Variants in DGKB observed in about 807,000 individuals in gnomAD.
DGKB encodes 90 kDa diacylglycerol kinase.
In DGKB, 67 loss-of-function variants were observed where a neutral mutation model predicts 114.3. The observed-to-expected ratio is 0.59, with a 90% CI of 0.48 to 0.72. The LOEUF (loss-of-function observed/expected upper bound fraction) is 0.72. Among genes scored for constraint, DGKB ranks in the 30% least tolerant of loss-of-function variants. The pLI is 0.00. For missense variants in DGKB, 907 were observed against 975.2 expected (o/e 0.93, Z 0.93); for synonymous variants, 398 against 323.1 (o/e 1.23, Z -2.49).
chr7:14,659,717 C>G (rs1816633184), intron 13 of DGKB, among the ~76,000 whole-genome samples: 2 of 146,958 alleles, frequency 1.4e-5, no homozygotes, highest in Admixed American at 1.4e-4. Flanking sequence ...AATTGAATAC[C>G]CTTTATTTCC....
chr7:14,592,408 TTATTC>T (rs1451967340), intron 17 of DGKB, among the ~76,000 whole-genome samples: 2 of 151,962 alleles, frequency 1.3e-5, no homozygotes, highest in African/African-American at 4.8e-5. Context: ...TTATCTCTGA[TTATTC>T]TATTCAATTC....
At chr7:14,248,472 T>G (rs1794778078) in intron 23 of DGKB, among the ~76,000 whole-genome samples, 1 of 152,130 alleles carries the variant, frequency 6.6e-6, no homozygotes, top group South Asian at 2.1e-4. Context: ...TATTAATTCT[T>G]ACGATTCAAG....
intron 6 of DGKB, among the ~76,000 whole-genome samples, chr7:14,702,529 T>C (rs1825379366): frequency 6.6e-6 from 1 of 152,118 alleles, no homozygotes. Context: ...CAGAGGTCCC[T>C]GATGGGCCTG....
At chr7:14,315,385 C>A (rs939579317) in intron 23 of DGKB, among the ~76,000 whole-genome samples, 1 of 149,336 alleles carries the variant, frequency 6.7e-6, no homozygotes, top group African/African-American at 2.4e-5. Context: ...ATTCAGGAAA[C>A]CCATCTCACG....
rs115521692 is a variant in DGKB, at chr7:14,657,910, T to C, written c.1134+15019A>G. Among the ~76,000 whole-genome samples, 1,061 of 152,052 alleles carry C rather than the reference T, an allele frequency of 7.0e-3. 16 individuals carry two copies. Among genetic ancestry groups the C allele is most frequent in the African/African-American group, 0.025 (1,032 of 41,532 alleles). ...AATCTACAGAAAGTTTCCATACTACTGGAGCTGTGAGAAAGAGACACACAC... is the reference window on the plus strand; with the variant it reads ...AATCTACAGAAAGTTTCCATACTACCGGAGCTGTGAGAAAGAGACACACAC... On this transcript the variant is annotated intron_variant, in intron 13 of 25. Transcript: ENST00000402815.
chr7:14,274,265 A>G (rs1405272976), intron 23 of DGKB, among the ~76,000 whole-genome samples: 1 of 152,176 alleles, frequency 6.6e-6, no homozygotes, highest in Non-Finnish European at 1.5e-5. Context: ...ATACGCAGTG[A>G]TAGTTTCAGT....
At chr7:14,647,888 G>A (rs937974707) in intron 13 of DGKB, among the ~76,000 whole-genome samples, 1 of 152,222 alleles carries the variant, frequency 6.6e-6, no homozygotes, top group African/African-American at 2.4e-5. Context: ...GTGACGGACA[G>A]CACCTGGAAA....
At chr7:14,487,581 T>TC (rs1337964997) in intron 20 of DGKB, among the ~76,000 whole-genome samples, 2 of 140,118 alleles carry the variant, frequency 1.4e-5, no homozygotes, top group Non-Finnish European at 3.1e-5. Flanking sequence ...TTAAGAAAAT[T>TC]CCTTTTTTTT....
intron 1 of DGKB, among the ~76,000 whole-genome samples, chr7:14,960,560 T>A (rs36908): frequency 0.35 from 53,128 of 151,876 alleles, 9,743 homozygotes; most frequent in African/African-American, 0.45. Context: ...GAGTAGGAAG[T>A]ATATAAATAT....
chr7:14,947,818 G>A (rs58853809), intron 1 of DGKB, among the ~76,000 whole-genome samples: 2,080 of 151,544 alleles, frequency 0.014, 34 homozygotes, highest in African/African-American at 0.041. Context: ...CAACATATCC[G>A]TTATCATTCG....
intron 25 of DGKB, among the ~76,000 whole-genome samples, chr7:14,149,914 G>T (rs1781937976): frequency 6.6e-6 from 1 of 152,086 alleles, no homozygotes; most frequent in Non-Finnish European, 1.5e-5. Flanking sequence ...TGATTTCTTT[G>T]ATATAAAACT....
At chr7:14,663,950 A>G (rs1459276467) in intron 13 of DGKB, among the ~76,000 whole-genome samples, 2 of 151,976 alleles carry the variant, frequency 1.3e-5, no homozygotes, top group Non-Finnish European at 2.9e-5. Context: ...CCTTCCATCA[A>G]AATTACCATT....
At chr7:14,313,593 A>G (rs1219856759) in intron 23 of DGKB, among the ~76,000 whole-genome samples, 2 of 152,162 alleles carry the variant, frequency 1.3e-5, no homozygotes, top group Non-Finnish European at 2.9e-5. Context: ...AAAACAGCGC[A>G]CCACGAGATT....
Position 14,963,953 on chromosome 7 carries a change from C to CAT in DGKB, c.-188+10741_-188+10742dup, listed in dbSNP as rs200188076. 2.6e-3 allele frequency among the ~76,000 whole-genome samples: 401 copies of CAT among 151,956 alleles called. 17 individuals carry two copies. In the East Asian group the frequency reaches 0.063, roughly 24 times the overall value. ...AAAGGTAAAAATAAAATTATCCATA[C>CAT]ATATATATATACACAGATGTATGAT... is the stretch of plus-strand genomic sequence containing the variant. On this transcript the variant is annotated intron_variant, in intron 1 of 4. Coordinates refer to the DGKB transcript ENST00000437998.
chr7:14,397,255 G>A lies in DGKB; in HGVS notation c.1836-51864C>T, dbSNP rs181273865. Among the ~76,000 whole-genome samples, 65 of 152,222 alleles carry A rather than the reference G, an allele frequency of 4.3e-4. 1 individual carries two copies. The highest frequency in any genetic ancestry group is 1.4e-3 in the African/African-American group (58 of 41,550). ...ATACCAGTTTCACTAGTACAAGACC[G>A]GGCAGGGGATAAGAATTGTGAGTGC... On this transcript the variant is annotated intron_variant, in intron 21 of 25. Transcript: ENST00000402815.
At chr7:14,884,895 C>T (rs1664322208) in intron 1 of DGKB, among the ~76,000 whole-genome samples, 1 of 151,926 alleles carries the variant, frequency 6.6e-6, no homozygotes, top group South Asian at 2.1e-4. Flanking sequence ...ATATTAACCT[C>T]ATGATTTCTC....
chr7:14,468,014 T>C (rs1381702544), intron 21 of DGKB, among the ~76,000 whole-genome samples: 2 of 152,186 alleles, frequency 1.3e-5, no homozygotes, highest in Admixed American at 1.3e-4. Context: ...AATCAATTGA[T>C]TCTATTCCAG....
intron 20 of DGKB, among the ~76,000 whole-genome samples, chr7:14,481,750 A>G (rs1360626522): frequency 1.3e-5 from 2 of 151,920 alleles, no homozygotes; most frequent in South Asian, 2.1e-4. Flanking sequence ...ATGAATTCCA[A>G]TCTCTCCCTG....
At chr7:14,231,124 TTTC>T (rs1791744679) in intron 23 of DGKB, among the ~76,000 whole-genome samples, 1 of 126,830 alleles carries the variant, frequency 7.9e-6, no homozygotes, top group East Asian at 2.3e-4. Flanking sequence ...TCTTTCTTTC[TTTC>T]TTTCTTTCTT....
Sources: allele counts gnomAD v4.1 joint callset (sites outside exome capture counted in the v4.1 genomes callset), GRCh38; gene constraint gnomAD v4.1.1; transcripts MANE v1.5; gene names NCBI Gene and HGNC (gene_info 2026-07-23, HGNC 2026-07-21).